The following ZNF304 variants were observed in gnomAD, a reference collection of about 807,000 sequenced individuals.
The protein encoded by ZNF304 is KRAB-containing zinc finger protein.
In ZNF304, 7 loss-of-function variants were observed where a neutral mutation model predicts 7.8. The observed-to-expected ratio is 0.90, with a 90% CI of 0.51 to 1.69. The LOEUF (loss-of-function observed/expected upper bound fraction) is 1.69, where lower values mean the gene tolerates loss of function less well. ZNF304 is among the 40% of genes most tolerant of loss of function. The pLI, the probability that ZNF304 is intolerant of heterozygous loss-of-function variation, is 0.00. For missense variants in ZNF304, 669 were observed against 804.8 expected (o/e 0.83, Z 2.04); for synonymous variants, 280 against 272.4 (o/e 1.03, Z -0.27).
chr19:57,352,244 A>G (rs1462842387), intron 1 of ZNF304, among the ~76,000 whole-genome samples: 2 of 152,176 alleles, frequency 1.3e-5, no homozygotes, highest in East Asian at 1.9e-4. Context: ...AAGGCTGACC[A>G]GATTCTCTGA....
Position 57,356,357 on chromosome 19 carries a change from T to C in ZNF304, c.488T>C (p.Leu163Ser). 1 of 1,614,148 alleles carries C rather than the reference T, an allele frequency of 6.2e-7. No individual in the cohort carries two copies. The highest frequency in any genetic ancestry group is 1.1e-5 in the South Asian group (1 of 91,080). ...SFVKSCTVHM[L>S]GRSFTCREEG... ...GTGAAGAGCTGTACAGTCCACATGT[T>C]AGGGAGATCCTTTACGTGCAGGGAG... Residue 163 changes from leucine to serine, a missense_variant, in exon 3 of 3, where the codon TTA (leucine) becomes TCA (serine). Transcript: ENST00000282286.
At position 57,351,783 on chromosome 19, in the gene ZNF304, AC is replaced by A. The variant is rs2122971608; in HGVS notation, c.33+87del. 2.8e-6 allele frequency: 4 copies of A among 1,430,188 alleles called. No homozygotes were observed. The East Asian group carries it at 9.6e-5, about 34-fold the overall frequency. The allele number at this position is 1,430,188 out of a possible 1,614,324, so 88.6% of individuals were successfully genotyped here. ...TCTCATCGCGCACTTCAGGGTGCTC[AC>A]TCCGTCGCATTATGTGGAGGGGTTC... On this transcript the variant is annotated intron_variant, in intron 1 of 2. Coordinates refer to ENST00000282286, the MANE Select transcript of ZNF304 (RefSeq NM_020657.4). This position sits in a 1 kb window ranked among gnomAD's most constrained non-coding sequence, Gnocchi z 4.1.
Position 57,357,763 on chromosome 19 carries a change from C to G in ZNF304, c.1894C>G (p.Arg632Gly). Residue 632 changes from arginine (R) to glycine (G), a missense_variant, in exon 3 of 3, where the codon CGT becomes GGT. Physicochemically the swap from Arg to Gly is moderately radical, Grantham distance 125. Transcript: ENST00000282286. ...KAYSRSSHLV[R>G]HQKAHTGERA... ...CTATAGCAGAAGCTCCCATCTTGTT[C>G]GTCACCAGAAAGCTCACACTGGAGA... 1 of 1,614,194 alleles carries G rather than the reference C, an allele frequency of 6.2e-7. No individual in the cohort carries two copies. Among genetic ancestry groups the G allele is most frequent in the Non-Finnish European group, 8.5e-7 (1 of 1,180,034 alleles).
chr19:57,351,759 CTCA>C lies in ZNF304; in HGVS notation c.33+65_33+67del. On this transcript the variant is annotated intron_variant, in intron 1 of 2. Coordinates refer to ENST00000282286, the MANE Select transcript of ZNF304 (RefSeq NM_020657.4). The surrounding 1 kb of genome is among the most constrained non-coding windows in gnomAD (Gnocchi z 4.1). Reference sequence around the variant, plus strand: ...GTTGGTGTGTCCTGGGATGTTCGCTCTCATCGCGCACTTCAGGGTGCTCACTCC... The same window carrying C: ...GTTGGTGTGTCCTGGGATGTTCGCTCTCGCGCACTTCAGGGTGCTCACTCC... 1 of 1,542,240 alleles carries C rather than the reference CTCA, an allele frequency of 6.5e-7. No individual in the cohort carries two copies. Among genetic ancestry groups the C allele is most frequent in the African/African-American group, 1.4e-5 (1 of 72,978 alleles).
At position 57,357,470 on chromosome 19, in the gene ZNF304, A is replaced by G. The variant is rs138677330; in HGVS notation, c.1601A>G (p.Asn534Ser). The G allele has an allele frequency of 4.5e-5, 72 of 1,612,854 alleles. No homozygotes were observed. The highest frequency in any genetic ancestry group is 1.6e-4 in the Middle Eastern group (1 of 6,078). Residue 534 changes from asparagine to serine, a missense_variant, in exon 3 of 3, where the codon AAT becomes AGT. Coordinates refer to ENST00000282286, the MANE Select transcript of ZNF304 (RefSeq NM_020657.4). ...ACTGGAGCAAAGCCTTATGAGTGCA[A>G]TGAATGTGGGAAATGCTTTAGCCAC... is the stretch of plus-strand genomic sequence containing the variant. Reference protein sequence around the residue: ...IHTGAKPYECNECGKCFSHNS... With the variant: ...IHTGAKPYECSECGKCFSHNS...
Position 57,357,970 on chromosome 19 carries a change from A to T in ZNF304, c.*121A>T. ...GAGTACCCTTTGTGAGGGAACCATC[A>T]GCTAGCAGATGAGCACCGTATATTC... is the stretch of plus-strand genomic sequence containing the variant. On this transcript the variant is annotated 3_prime_UTR_variant, in exon 3 of 3. Transcript: ENST00000282286. 2 of 1,272,146 alleles carry T rather than the reference A, an allele frequency of 1.6e-6. No individual in the cohort carries two copies. The highest frequency in any genetic ancestry group is 2.2e-6 in the Non-Finnish European group (2 of 925,126). The allele number at this position is 1,272,146 out of a possible 1,614,324, so 78.8% of individuals were successfully genotyped here.
Position 57,357,425 on chromosome 19 carries a change from T to C in ZNF304, c.1556T>C (p.Ile519Thr), listed in dbSNP as rs1407813247. The change falls in exon 3 of 3, where the codon ATT becomes ACT. Residue 519 changes from isoleucine (I) to threonine (T), a missense_variant. Ile to Thr is a moderately conservative substitution (Grantham distance 89). Transcript: ENST00000282286. ...TTCTTCAGCCATAGCTCCAACCTTA[T>C]TGTACACCAGAGAATTCACACTGGA... ...GKFFSHSSNL[I>T]VHQRIHTGAK... 4.3e-6 allele frequency: 7 copies of C among 1,614,070 alleles called. No individual in the cohort carries two copies. The highest frequency in any genetic ancestry group is 1.1e-5 in the South Asian group (1 of 91,080).
At chr19:57,352,428 A>T (rs868152116) in intron 1 of ZNF304, among the ~76,000 whole-genome samples, 2 of 152,212 alleles carry the variant, frequency 1.3e-5, no homozygotes, top group African/African-American at 4.8e-5. Context: ...CTGCAAAAGT[A>T]TATCAGACCT....
rs1019476293 is a variant in ZNF304 at position 57,351,737 on chromosome 19, G to A, written c.33+40G>A. 5.6e-6 allele frequency: 9 copies of A among 1,598,144 alleles called. No individual in the cohort carries two copies. The highest frequency in any genetic ancestry group is 7.7e-6 in the Non-Finnish European group (9 of 1,171,638). ...CCCTCAAGCGCACCCCGGCCTGGTTGGTGTGTCCTGGGATGTTCGCTCTCA... is the reference window on the plus strand; with the variant it reads ...CCCTCAAGCGCACCCCGGCCTGGTTAGTGTGTCCTGGGATGTTCGCTCTCA... On this transcript the variant is annotated intron_variant, in intron 1 of 2. Coordinates refer to ENST00000282286, the MANE Select transcript of ZNF304 (RefSeq NM_020657.4). The surrounding 1 kb of genome is among the most constrained non-coding windows in gnomAD (Gnocchi z 4.1).
Position 57,353,260 on chromosome 19 carries a change from A to G in ZNF304, c.34-465A>G, listed in dbSNP as rs1185782103. ...GGGATGAGGGATGTCATGGAGGTGC[A>G]TATGGCATGGGCCAGTGGCGGTGGG... On this transcript the variant is annotated intron_variant, in intron 1 of 2. Coordinates refer to ENST00000282286, the MANE Select transcript of ZNF304 (RefSeq NM_020657.4). Among the ~76,000 whole-genome samples the G allele has an allele frequency of 2.0e-5, 3 of 152,198 alleles. No individual in the cohort carries two copies. In the East Asian group the frequency reaches 5.8e-4, roughly 29 times the overall value.
chr19:57,353,046 A>C (rs946517477), intron 1 of ZNF304, among the ~76,000 whole-genome samples: 1 of 152,158 alleles, frequency 6.6e-6, no homozygotes, highest in African/African-American at 2.4e-5. Flanking sequence ...GAAGTTGAAA[A>C]AAATGGTGGC....
Position 57,356,278 on chromosome 19 carries a change from A to C in ZNF304, c.409A>C (p.Lys137Gln), listed in dbSNP as rs1041643190. Residue 137 changes from lysine (K) to glutamine (Q), a missense_variant, in exon 3 of 3, where the codon AAG becomes CAG. Coordinates refer to ENST00000282286, the MANE Select transcript of ZNF304 (RefSeq NM_020657.4). ...CAGTGCAAACTTTTACCAGCACCAG[A>C]AGCAACATAATGGAGAGAATTGCTT... ...SFSANFYQHQ[K>Q]QHNGENCFRG... 11 of 1,614,116 alleles carry C rather than the reference A, an allele frequency of 6.8e-6. No homozygotes were observed. The highest frequency in any genetic ancestry group is 9.3e-6 in the Non-Finnish European group (11 of 1,180,058).
Position 57,351,611 on chromosome 19 carries a change from G to A in ZNF304, c.-54G>A. On this transcript the variant is annotated 5_prime_UTR_variant, in exon 1 of 3. Coordinates refer to ENST00000282286, the MANE Select transcript of ZNF304 (RefSeq NM_020657.4). This position sits in a 1 kb window ranked among gnomAD's most constrained non-coding sequence, Gnocchi z 4.1. ...CAGCCCGAGGGCGTCCAGCGCGGTGGAGGCGTGGGGTTTCGGCTGAGCCCA... is the reference window on the plus strand; with the variant it reads ...CAGCCCGAGGGCGTCCAGCGCGGTGAAGGCGTGGGGTTTCGGCTGAGCCCA... 2 of 1,610,266 alleles carry A rather than the reference G, an allele frequency of 1.2e-6. No homozygotes were observed. Among genetic ancestry groups the A allele is most frequent in the Admixed American group, 1.7e-5 (1 of 60,000 alleles).
intron 1 of ZNF304, among the ~76,000 whole-genome samples, chr19:57,353,186 A>T (rs761453501): frequency 1.3e-5 from 2 of 152,210 alleles, no homozygotes; most frequent in Admixed American, 1.3e-4. Flanking sequence ...AGTGGTGGAT[A>T]GTGTGAAGAC....
chr19:57,357,976 C>T lies in ZNF304; in HGVS notation c.*127C>T. ...CCTTTGTGAGGGAACCATCAGCTAGCAGATGAGCACCGTATATTCATTCCA... is the reference window on the plus strand; with the variant it reads ...CCTTTGTGAGGGAACCATCAGCTAGTAGATGAGCACCGTATATTCATTCCA... On this transcript the variant is annotated 3_prime_UTR_variant, in exon 3 of 3. Coordinates refer to ENST00000282286, the MANE Select transcript of ZNF304 (RefSeq NM_020657.4). 1 of 1,184,374 alleles carries T rather than the reference C, an allele frequency of 8.4e-7. No individual in the cohort carries two copies. The highest frequency in any genetic ancestry group is 1.5e-5 in the South Asian group (1 of 65,728). 73.4% of individuals were successfully genotyped at this position (1,184,374 alleles called of 1,614,324 possible).
chr19:57,354,193 A>G (rs1426653655), intron 2 of ZNF304, among the ~76,000 whole-genome samples: 1 of 151,846 alleles, frequency 6.6e-6, no homozygotes, highest in African/African-American at 2.4e-5. Flanking sequence ...TTTTGTAGAG[A>G]TAAGGTCTTG....
At chr19:57,352,720 A>G (rs1404505779) in intron 1 of ZNF304, 2 of 152,320 alleles carry the variant, frequency 1.3e-5, no homozygotes, top group African/African-American at 2.4e-5. Flanking sequence ...TCTGGTCTAG[A>G]GGTGTGGCTG....
At chr19:57,354,008 G>A (rs76508801) in intron 2 of ZNF304, among the ~76,000 whole-genome samples, 157 bp downstream of exon 2, 2 of 148,750 alleles carry the variant, frequency 1.3e-5, no homozygotes, top group African/African-American at 5.0e-5. Context: ...TTTTTTTTTT[G>A]TTTTTTGTTT....
In ZNF304 at chr19:57,356,720, G is replaced by C. The variant is rs767697151; in HGVS notation, c.851G>C (p.Cys284Ser). Residue 284 changes from cysteine to serine, a missense_variant, in exon 3 of 3, where the codon TGT becomes TCT. Cys to Ser is a moderately radical substitution (Grantham distance 112, BLOSUM62 -1). Coordinates refer to ENST00000282286, the MANE Select transcript of ZNF304 (RefSeq NM_020657.4). ...SGEISHVCKE[C>S]GKAFIHLHHL... is the part of the protein sequence containing the mutation. ...GAAATATCTCATGTGTGTAAGGAGT[G>C]TGGAAAAGCCTTCATTCACTTGCAC... The C allele has an allele frequency of 6.2e-7, 1 of 1,614,242 alleles. No individual in the cohort carries two copies. Among genetic ancestry groups the C allele is most frequent in the Non-Finnish European group, 8.5e-7 (1 of 1,180,050 alleles).
Sources: allele counts gnomAD v4.1 joint callset (sites outside exome capture counted in the v4.1 genomes callset), GRCh38; gene constraint gnomAD v4.1.1; non-coding constraint Gnocchi (gnomAD v3.1); transcripts MANE v1.5; gene names NCBI Gene and HGNC (gene_info 2026-07-23, HGNC 2026-07-21).